Variants in CCDC63 observed in about 807,000 individuals in gnomAD.
CCDC63 encodes the protein coiled-coil domain-containing protein 63.
Under a neutral mutation model 63.6 loss-of-function variants are expected in CCDC63, and 54 were observed. The ratio of observed to expected loss-of-function variants is 0.85; its 90% CI spans 0.68 to 1.07. CCDC63 has a LOEUF of 1.07. Among genes scored for constraint, CCDC63 ranks in the 50% least tolerant of loss-of-function variants. The pLI, the probability that CCDC63 is intolerant of heterozygous loss-of-function variation, is 0.00. For missense variants in CCDC63, 637 were observed against 689.6 expected (o/e 0.92, Z 0.86); for synonymous variants, 253 against 266.1 (o/e 0.95, Z 0.48).
chr12:110,864,026 A>G (rs1406794865), intron 4 of CCDC63, among the ~76,000 whole-genome samples: 1 of 152,248 alleles, frequency 6.6e-6, no homozygotes, highest in Non-Finnish European at 1.5e-5. Flanking sequence ...GATGGGAGAG[A>G]GTATTTCACA....
At position 110,852,931 on chromosome 12, in the gene CCDC63, G is replaced by A; in HGVS notation, c.-24G>A. 10 of 1,614,178 alleles carry A rather than the reference G, an allele frequency of 6.2e-6. No individual in the cohort carries two copies. The highest frequency in any genetic ancestry group is 8.5e-6 in the Non-Finnish European group (10 of 1,180,036). On this transcript the variant is annotated 5_prime_UTR_variant, in exon 2 of 12. Coordinates refer to ENST00000308208, the MANE Select transcript of CCDC63 (RefSeq NM_152591.3). ...GCTCTCTGGGTACAGTGTCTGAGTG[G>A]AGGCAAAGTGCGGTTCCTTCAAGAT...
chr12:110,904,449 C>T (rs12814173), intron 10 of CCDC63, 139 bp from the exon 11 acceptor site: 21,752 of 687,412 alleles, frequency 0.032, 504 homozygotes, highest in Middle Eastern at 0.059. Context: ...AGGAGAAAGC[C>T]TTTTCCTTGT....
chr12:110,850,598 G>A (rs191846080), intron 1 of CCDC63, among the ~76,000 whole-genome samples: 11 of 152,210 alleles, frequency 7.2e-5, no homozygotes, highest in African/African-American at 2.4e-5. Context: ...AAAATTAGCC[G>A]GGCATGGTGG....
chr12:110,851,352 C>T (rs1243005921), intron 1 of CCDC63, among the ~76,000 whole-genome samples: 7 of 152,290 alleles, frequency 4.6e-5, no homozygotes, highest in East Asian at 3.9e-4. Context: ...CTTGCAGAGG[C>T]GAGATGGCTG....
chr12:110,865,464 C>CAAAAAAAAAAAAAA (rs10585238), intron 4 of CCDC63, among the ~76,000 whole-genome samples: 57 of 102,230 alleles, frequency 5.6e-4, no homozygotes, highest in African/African-American at 7.6e-4. Flanking sequence ...CAGCATATAC[C>CAAAAAAAAAAAAAA]AAAAAAAAAA....
intron 4 of CCDC63, among the ~76,000 whole-genome samples, chr12:110,867,206 G>A (rs2070970143): frequency 7.3e-6 from 1 of 137,584 alleles, no homozygotes; most frequent in Admixed American, 7.0e-5. Flanking sequence ...CGGACGGGGC[G>A]GCTGGCCGGG....
Position 110,858,742 on chromosome 12 carries a change from C to T in CCDC63, c.336C>T (p.Ser112=), listed in dbSNP as rs866657632. Residue 112 remains serine (S), a synonymous_variant, in exon 4 of 12, where the codon TCC becomes TCT. Coordinates refer to ENST00000308208, the MANE Select transcript of CCDC63 (RefSeq NM_152591.3). ...TKEDYEALIK[S]LKVLLAELDE... ...AGGACTATGAGGCATTGATTAAATC[C>T]CTGAAAGTGCTGTTGGCTGAACTGG... 6.2e-7 allele frequency: 1 copy of T among 1,613,740 alleles called. No homozygotes were observed. The highest frequency in any genetic ancestry group is 2.2e-5 in the East Asian group (1 of 44,878).
At chr12:110,861,381 T>C (rs559938057) in intron 4 of CCDC63, among the ~76,000 whole-genome samples, 1 of 152,320 alleles carries the variant, frequency 6.6e-6, no homozygotes, top group African/African-American at 2.4e-5. Flanking sequence ...CAGCTCTGCC[T>C]GCCTCTCTCA....
intron 1 of CCDC63, among the ~76,000 whole-genome samples, chr12:110,849,536 T>C (rs1339114736): frequency 6.7e-6 from 1 of 150,152 alleles, no homozygotes; most frequent in African/African-American, 2.4e-5. Context: ...TCTTACTCTG[T>C]TGCCCAGGCT....
At chr12:110,904,524 A>G in intron 10 of CCDC63, 64 bp from the exon 11 acceptor site, 2 of 1,420,016 alleles carry the variant, frequency 1.4e-6, no homozygotes, top group East Asian at 2.3e-5. Flanking sequence ...TGGTGGCACC[A>G]CCCACAGTGC....
intron 4 of CCDC63, among the ~76,000 whole-genome samples, chr12:110,859,454 G>C (rs968754080): frequency 2.6e-5 from 4 of 151,994 alleles, no homozygotes; most frequent in Non-Finnish European, 5.9e-5. Context: ...TTACAGGCGT[G>C]CACCACCATG....
chr12:110,907,130 C>G lies in CCDC63; in HGVS notation c.1547-201C>G. ...ACTCCTTAACATTAAACCAGACATT[C>G]TTCACATCCTTGTCTGGGAGAAAAA... On this transcript the variant is annotated intron_variant, in intron 11 of 11. Transcript: ENST00000308208. The surrounding 1 kb of genome is among the most constrained non-coding windows in gnomAD (Gnocchi z 4.4). Among the ~76,000 whole-genome samples, 1 of 152,228 alleles carries G rather than the reference C, an allele frequency of 6.6e-6. No homozygotes were observed. The highest frequency in any genetic ancestry group is 1.9e-4 in the East Asian group (1 of 5,200).
chr12:110,893,738 A>G (rs2071385369), intron 9 of CCDC63, among the ~76,000 whole-genome samples: 2 of 152,142 alleles, frequency 1.3e-5, no homozygotes, highest in South Asian at 4.1e-4. Flanking sequence ...TTCAGCTGCT[A>G]ATAATAGGGA....
intron 1 of CCDC63, among the ~76,000 whole-genome samples, chr12:110,851,065 T>A (rs569672431): frequency 6.6e-6 from 1 of 152,238 alleles, no homozygotes; most frequent in Admixed American, 6.5e-5. Flanking sequence ...GACTTACCAC[T>A]GAATTCCACA....
In CCDC63 at chr12:110,899,068, C is replaced by T; in HGVS notation, c.1285C>T (p.Leu429=). 1.3e-5 allele frequency: 21 copies of T among 1,613,938 alleles called. No homozygotes were observed. Among genetic ancestry groups the T allele is most frequent in the Non-Finnish European group, 1.8e-5 (21 of 1,179,906 alleles). The change falls in exon 10 of 12, where the codon CTG becomes TTG. Residue 429 remains leucine (L), a synonymous_variant. Transcript: ENST00000308208. ...KKINCDATKI[L]VQLGETGKVT... ...GATAAACTGTGACGCCACCAAGATC[C>T]TGGTGCAGTTAGGGGAGACGGGGAA...
intron 4 of CCDC63, among the ~76,000 whole-genome samples, chr12:110,868,286 G>A (rs1343084740): frequency 2.3e-5 from 3 of 129,898 alleles, no homozygotes; most frequent in African/African-American, 9.3e-5. Flanking sequence ...CATCCCAGAC[G>A]ATGGGCAGCC....
chr12:110,893,263 G>A, intron 9 of CCDC63, 113 bp downstream of exon 9: 1 of 802,512 alleles, frequency 1.2e-6, no homozygotes. Context: ...CTTCTCAGGA[G>A]CAGTAAGAGG....
intron 5 of CCDC63, among the ~76,000 whole-genome samples, chr12:110,875,423 A>G (rs905382175): frequency 2.6e-5 from 4 of 152,136 alleles, no homozygotes; most frequent in Non-Finnish European, 5.9e-5. Flanking sequence ...GCATGATTTA[A>G]TGATGACTTG....
In CCDC63 at chr12:110,853,695, G is replaced by T. The variant is rs2070735653; in HGVS notation, c.179+121G>T. 9 of 1,030,756 alleles carry T rather than the reference G, an allele frequency of 8.7e-6. No homozygotes were observed. In the South Asian group the frequency reaches 1.0e-4, roughly 11 times the overall value. The allele number at this position is 1,030,756 out of a possible 1,614,324, so 63.9% of individuals were successfully genotyped here. Reference sequence around the variant, plus strand: ...AGGGAGCCACCTCTGAGCCCCATTGGAGGATCCACGGTCTTTTATCTGCAG... The same window carrying T: ...AGGGAGCCACCTCTGAGCCCCATTGTAGGATCCACGGTCTTTTATCTGCAG... On this transcript the variant is annotated intron_variant, in intron 3 of 11. Transcript: ENST00000308208.
Sources: gnomAD v4.1 joint callset for allele counts (sites outside exome capture counted in the v4.1 genomes callset) on GRCh38, gnomAD v4.1.1 for gene constraint, Gnocchi (gnomAD v3.1) non-coding constraint, MANE v1.5 for transcripts, NCBI Gene and HGNC (gene_info 2026-07-23, HGNC 2026-07-21) for gene names.